TPR: variants seen among roughly 807,000 people sequenced by gnomAD.
TPR encodes the protein translocated promoter region, nuclear basket protein.
TPR carries 51 observed loss-of-function variants against 316.1 expected under a neutral mutation model. The observed-to-expected ratio is 0.16, with a 90% CI of 0.13 to 0.20. TPR has a LOEUF of 0.20. TPR is among the 10% of genes least tolerant of loss of function. The pLI, the probability that TPR is intolerant of heterozygous loss-of-function variation, is 1.00. For synonymous variants in TPR, 981 were observed against 914.7 expected, an observed-to-expected ratio of 1.07 and a Z score of -1.31; for missense variants, 2,272 against 2,754.8, an observed-to-expected ratio of 0.82 and a Z score of 3.92.
chr1:186,350,094 G>GTT, intron 21 of TPR, 129 bp downstream of exon 21: 5 of 932,492 alleles, frequency 5.4e-6, no homozygotes, highest in Non-Finnish European at 4.5e-6. Context: ...AAAAAGTTGG[G>GTT]TTTTTTTTTG....
chr1:186,358,781 A>T (rs1242512798), intron 12 of TPR, 131 bp from the exon 13 acceptor site: 1 of 690,716 alleles, frequency 1.4e-6, no homozygotes, highest in Admixed American at 3.6e-5. Flanking sequence ...ATAATATTGT[A>T]GCCACTAAAA....
At chr1:186,335,734 A>C (rs1205129510) in intron 33 of TPR, among the ~76,000 whole-genome samples, 191 bp from the exon 34 acceptor site, 3 of 152,156 alleles carry the variant, frequency 2.0e-5, no homozygotes, top group Non-Finnish European at 4.4e-5. Context: ...AGAATATAAA[A>C]TATACTTACT....
Position 186,333,170 on chromosome 1 carries a change from T to C in TPR, c.5407A>G (p.Ser1803Gly). The change falls in exon 37 of 51, where the codon AGT becomes GGT. Residue 1803 changes from serine to glycine, a missense_variant. This residue lies in a region of TPR where 435 missense variants were observed against 461.1 expected (regional missense o/e 0.94). Transcript: ENST00000367478. ...LSSNIVEVVQ[S>G]SPVERPSTST... ...GTAGAAGGCCGCTCAACTGGTGAAC[T>C]CTGAACAACCTCTACTATGTTTGAA... 1 of 1,613,522 alleles carries C rather than the reference T, an allele frequency of 6.2e-7. No homozygotes were observed.
At chr1:186,352,676 T>C (rs1006538505) in intron 18 of TPR, among the ~76,000 whole-genome samples, 4 of 152,096 alleles carry the variant, frequency 2.6e-5, no homozygotes, top group African/African-American at 9.7e-5. Flanking sequence ...CTCTACCAGT[T>C]TGAAAAAGTG....
At chr1:186,345,783 T>A (rs1164197003) in intron 23 of TPR, 87 bp from the exon 24 acceptor site, 1 of 983,760 alleles carries the variant, frequency 1.0e-6, no homozygotes, top group Non-Finnish European at 1.5e-6. Flanking sequence ...AATTGAAGTC[T>A]CATTTTTTAA....
In TPR at chr1:186,336,684, T is replaced by C. The variant is rs776192679; in HGVS notation, c.4517A>G (p.Glu1506Gly). 14 of 1,612,912 alleles carry C rather than the reference T, an allele frequency of 8.7e-6. No homozygotes were observed. Among genetic ancestry groups the C allele is most frequent in the Admixed American group, 3.3e-5 (2 of 59,816 alleles). Residue 1506 changes from glutamate to glycine, a missense_variant, in exon 33 of 51, where the codon GAA becomes GGA. By Grantham distance (98) the Glu-to-Gly change is moderately conservative (BLOSUM62 -2). Transcript: ENST00000367478. ...QVENLQKTLS[E>G]KETEARNLQE... Reference sequence around the variant, plus strand: ...GAGATTTCTTGCTTCTGTCTCTTTTTCAGATAATGTCTTTAAAGGAAAACA... The same window carrying C: ...GAGATTTCTTGCTTCTGTCTCTTTTCCAGATAATGTCTTTAAAGGAAAACA...
intron 50 of TPR, 104 bp from the exon 51 acceptor site, chr1:186,314,130 T>C: frequency 9.3e-7 from 1 of 1,078,076 alleles, no homozygotes; most frequent in African/African-American, 1.6e-5. Flanking sequence ...GCATTGTGGA[T>C]ATAAAACTGT....
chr1:186,351,608 A>G (rs1658864174), intron 19 of TPR, 138 bp from the exon 20 acceptor site: 1 of 892,312 alleles, frequency 1.1e-6, no homozygotes, highest in Non-Finnish European at 1.6e-6. Context: ...TTTATCAAGA[A>G]AGTATTCTGG....
rs1659135078 is a variant in TPR at position 186,359,969 on chromosome 1, C to T, written c.1219G>A (p.Asp407Asn). Reference protein sequence around the residue: ...ELYNAYVETQDQLLLEKLENK... With the variant: ...ELYNAYVETQNQLLLEKLENK... ...TCTAGTTTCTCCAAAAGCAACTGATCCTGAGTTTCCACATAAGCATTATAG... is the reference window on the plus strand; with the variant it reads ...TCTAGTTTCTCCAAAAGCAACTGATTCTGAGTTTCCACATAAGCATTATAG... The change falls in exon 12 of 51, where the codon GAT (aspartate) becomes AAT (asparagine). Residue 407 changes from aspartate to asparagine, a missense_variant. By Grantham distance (23) the Asp-to-Asn change is conservative. Around this residue, in one of 10 missense-constraint regions of TPR, gnomAD observed 549 missense variants for 598.6 expected, o/e 0.92. Coordinates refer to ENST00000367478, the MANE Select transcript of TPR (RefSeq NM_003292.3). 6.2e-7 allele frequency: 1 copy of T among 1,609,064 alleles called. No homozygotes were observed. Among genetic ancestry groups the T allele is most frequent in the Non-Finnish European group, 8.5e-7 (1 of 1,178,700 alleles).
chr1:186,312,811 G>T lies in TPR; in HGVS notation c.*1160C>A, dbSNP rs746479632. The T allele has an allele frequency of 1.6e-5, 25 of 1,612,198 alleles. No homozygotes were observed. In the Admixed American group the frequency reaches 4.0e-4, roughly 26 times the overall value. ...GTTAAAGTGAGTATACTGTGGAGAG[G>T]ACTTCCAAATGTGGTTACCTCAGCT... On this transcript the variant is annotated 3_prime_UTR_variant, in exon 51 of 51. Coordinates refer to ENST00000367478, the MANE Select transcript of TPR (RefSeq NM_003292.3).
rs557530598 is a variant in TPR, at chr1:186,368,921, G to A, written c.331-939C>T. 1.4e-3 allele frequency among the ~76,000 whole-genome samples: 207 copies of A among 152,144 alleles called. 5 individuals are homozygous for A. The highest frequency in any genetic ancestry group is 0.012 in the Admixed American group (178 of 15,282). ...CTTTCATCCATCTTGGCTTGATTTC[G>A]GTATATGATGTAAGCAACACAAACA... On this transcript the variant is annotated intron_variant, in intron 3 of 50. Coordinates refer to ENST00000367478, the MANE Select transcript of TPR (RefSeq NM_003292.3).
At chr1:186,322,240 C>A in intron 45 of TPR, 78 bp downstream of exon 45, 1 of 1,372,866 alleles carries the variant, frequency 7.3e-7, no homozygotes, top group Non-Finnish European at 1.0e-6. Context: ...AATGAGTTAA[C>A]CAAATGATAA....
Position 186,338,238 on chromosome 1 carries a change from T to C in TPR, c.4157A>G (p.Asn1386Ser), listed in dbSNP as rs747884548. ...GTTCTGGTTGTTAGTCAAAGATGCA[T>C]TTGATCTTTAAAAAATGGAGGAAAG... ...GRLKAEIARS[N>S]ASLTNNQNLI... Residue 1386 changes from asparagine to serine, a missense_variant, in exon 31 of 51, where the codon AAT becomes AGT. By Grantham distance (46) the Asn-to-Ser change is conservative. Coordinates refer to ENST00000367478, the MANE Select transcript of TPR (RefSeq NM_003292.3). 3 of 1,595,732 alleles carry C rather than the reference T, an allele frequency of 1.9e-6. No individual in the cohort carries two copies. The highest frequency in any genetic ancestry group is 1.2e-5 in the South Asian group (1 of 86,678).
At chr1:186,314,289 TCG>T (rs1657504974) in intron 50 of TPR, 1 of 436,114 alleles carries the variant, frequency 2.3e-6, no homozygotes, top group Non-Finnish European at 4.0e-6. Context: ...CAAAGCTTTA[TCG>T]TGTTGTATAA....
intron 3 of TPR, among the ~76,000 whole-genome samples, chr1:186,370,650 T>A (rs1178493770): frequency 6.6e-6 from 1 of 152,062 alleles, no homozygotes; most frequent in East Asian, 1.9e-4. Flanking sequence ...ATTCAAACTG[T>A]CATTCTTATA....
chr1:186,322,325 C>T lies in TPR; in HGVS notation c.6454G>A (p.Ala2152Thr). The change falls in exon 45 of 51, where the codon GCA becomes ACA. Residue 2152 changes from alanine (A) to threonine (T), a missense_variant. Ala to Thr is a moderately conservative substitution (Grantham distance 58, BLOSUM62 0). Coordinates refer to ENST00000367478, the MANE Select transcript of TPR (RefSeq NM_003292.3). ...VPHRTDGFAEAIHSPQVAGVP... is the reference protein window; with the variant it reads ...VPHRTDGFAETIHSPQVAGVP... ...TCTCTTTCATTAACTTACTGAATTG[C>T]TTCAGCAAATCCATCAGTACGATGT... is the stretch of plus-strand genomic sequence containing the variant. 6.2e-7 allele frequency: 1 copy of T among 1,610,036 alleles called. No homozygotes were observed. Among genetic ancestry groups the T allele is most frequent in the Non-Finnish European group, 8.5e-7 (1 of 1,178,980 alleles).
In TPR at chr1:186,356,288, T is replaced by C. The variant is rs753736096; in HGVS notation, c.1886A>G (p.His629Arg). 49 of 1,594,064 alleles carry C rather than the reference T, an allele frequency of 3.1e-5. No individual in the cohort carries two copies. The highest frequency in any genetic ancestry group is 4.0e-5 in the Non-Finnish European group (47 of 1,166,336). ...AAAATAACTTTATAAAAACCTACCA[T>C]GTAATGGAATGGCAACTCCTGTTGT... ...SQTTGVAIPL[H>R]ASSLDDVSLA... Residue 629 changes from histidine (H) to arginine (R), a missense_variant and splice_region_variant, in exon 15 of 51, where the codon CAT becomes CGT. Transcript: ENST00000367478.
In TPR at chr1:186,333,302, T is replaced by G; in HGVS notation, c.5275A>C (p.Ile1759Leu). 6.2e-7 allele frequency: 1 copy of G among 1,613,720 alleles called. No individual in the cohort carries two copies. The highest frequency in any genetic ancestry group is 2.2e-5 in the East Asian group (1 of 44,872). Reference protein sequence around the residue: ...RSTSPNVQPSISQPILTVQQQ... With the variant: ...RSTSPNVQPSLSQPILTVQQQ... ...TGAACAGTTAAAATAGGTTGAGAGATAGAAGGCTGGACATTAGGACTAGTA... is the reference window on the plus strand; with the variant it reads ...TGAACAGTTAAAATAGGTTGAGAGAGAGAAGGCTGGACATTAGGACTAGTA... The change falls in exon 37 of 51, where the codon ATC becomes CTC. Residue 1759 changes from isoleucine to leucine, a missense_variant. By Grantham distance (5) the Ile-to-Leu change is conservative. Coordinates refer to ENST00000367478, the MANE Select transcript of TPR (RefSeq NM_003292.3).
chr1:186,354,980 C>T (rs80094163), intron 17 of TPR, among the ~76,000 whole-genome samples: 3,527 of 152,112 alleles, frequency 0.023, 70 homozygotes, highest in Non-Finnish European at 0.037. Context: ...CTTGGCTCAC[C>T]GCAACCACTG....
Sources: gnomAD v4.1 joint callset for allele counts (sites outside exome capture counted in the v4.1 genomes callset) on GRCh38, gnomAD v4.1.1 for gene constraint, gnomAD v4.1.1 regional missense constraint, MANE v1.5 for transcripts, NCBI Gene and HGNC (gene_info 2026-07-23, HGNC 2026-07-21) for gene names.